The following TUT4 variants were observed in gnomAD, a reference collection of about 807,000 sequenced individuals.
TUT4 encodes terminal uridylyltransferase 4.
TUT4 carries 36 observed loss-of-function variants against 192.2 expected under a neutral mutation model. The observed-to-expected ratio is 0.19, with a 90% CI of 0.14 to 0.25. TUT4 has a LOEUF of 0.25. Among genes scored for constraint, TUT4 ranks in the 10% least tolerant of loss-of-function variants. The pLI, the probability that TUT4 is intolerant of heterozygous loss-of-function variation, is 1.00. For synonymous variants in TUT4, 618 were observed against 666.0 expected, an observed-to-expected ratio of 0.93 and a Z score of 1.11; for missense variants, 1,493 against 1,957.2, an observed-to-expected ratio of 0.76 and a Z score of 4.47.
intron 20 of TUT4, among the ~76,000 whole-genome samples, chr1:52,453,618 A>T (rs1436721747): frequency 6.6e-6 from 1 of 152,110 alleles, no homozygotes; most frequent in Non-Finnish European, 1.5e-5. Context: ...AGCTAACATC[A>T]TACTCAAATG....
intron 1 of TUT4, among the ~76,000 whole-genome samples, chr1:52,537,770 A>C (rs761827753): frequency 1.3e-5 from 2 of 151,990 alleles, no homozygotes; most frequent in Non-Finnish European, 2.9e-5. Flanking sequence ...AAAATTAGCC[A>C]GGCATGGTGG....
At chr1:52,455,551 G>A (rs1419092093) in intron 20 of TUT4, among the ~76,000 whole-genome samples, 1 of 148,264 alleles carries the variant, frequency 6.7e-6, no homozygotes, top group Non-Finnish European at 1.5e-5. Flanking sequence ...TGAGGCTGCA[G>A]GGAGCCATGA....
intron 13 of TUT4, among the ~76,000 whole-genome samples, chr1:52,474,382 G>A (rs1452490157): frequency 6.6e-6 from 1 of 151,994 alleles, no homozygotes; most frequent in Non-Finnish European, 1.5e-5. Flanking sequence ...ACTACCTTTA[G>A]TATGCTTATA....
intron 4 of TUT4, among the ~76,000 whole-genome samples, chr1:52,504,105 A>G (rs1250981931): frequency 6.6e-6 from 1 of 152,234 alleles, no homozygotes; most frequent in East Asian, 1.9e-4. Flanking sequence ...ACCACAAACT[A>G]TGATAACATA....
intron 2 of TUT4, among the ~76,000 whole-genome samples, chr1:52,516,571 C>A (rs915312888): frequency 6.6e-6 from 1 of 152,192 alleles, no homozygotes. Flanking sequence ...TCTCTGCCTC[C>A]TAACTAGATT....
At chr1:52,451,743 T>C (rs1042379066) in intron 20 of TUT4, among the ~76,000 whole-genome samples, 1 of 150,562 alleles carries the variant, frequency 6.6e-6, no homozygotes, top group Admixed American at 6.6e-5. Context: ...CTCCAGAGGC[T>C]GAGGAAGGAG....
chr1:52,473,508 T>C (rs1666315157), intron 13 of TUT4, among the ~76,000 whole-genome samples: 1 of 152,208 alleles, frequency 6.6e-6, no homozygotes, highest in Non-Finnish European at 1.5e-5. Flanking sequence ...GATAATAATA[T>C]ATATACTTAA....
chr1:52,517,857 C>T (rs951675375), intron 2 of TUT4, among the ~76,000 whole-genome samples: 11 of 152,070 alleles, frequency 7.2e-5, no homozygotes, highest in African/African-American at 2.2e-4. Flanking sequence ...ATAATGTAAC[C>T]TTCTTCTCTT....
At chr1:52,530,857 G>C (rs1490832318) in intron 1 of TUT4, among the ~76,000 whole-genome samples, 2 of 152,094 alleles carry the variant, frequency 1.3e-5, no homozygotes, top group African/African-American at 4.8e-5. Context: ...ACATAAATTA[G>C]CCAGGTGTGG....
chr1:52,473,766 T>C (rs1401917809), intron 13 of TUT4, among the ~76,000 whole-genome samples: 2 of 152,204 alleles, frequency 1.3e-5, no homozygotes, highest in Non-Finnish European at 2.9e-5. Context: ...ACATGGATAC[T>C]AATAATGATA....
intron 1 of TUT4, among the ~76,000 whole-genome samples, chr1:52,548,486 G>A (rs577900013): frequency 6.6e-6 from 1 of 152,138 alleles, no homozygotes; most frequent in Non-Finnish European, 1.5e-5. Flanking sequence ...GCAAAGAGCT[G>A]TGACTCTAGA....
intron 13 of TUT4, 96 bp downstream of exon 13, chr1:52,474,736 C>T: frequency 9.1e-7 from 1 of 1,099,616 alleles, no homozygotes; most frequent in Non-Finnish European, 1.3e-6. Context: ...CAAGTCACCA[C>T]TTTATATAGC....
intron 9 of TUT4, among the ~76,000 whole-genome samples, chr1:52,482,275 T>C (rs1187475185): frequency 6.6e-6 from 1 of 152,196 alleles, no homozygotes; most frequent in Non-Finnish European, 1.5e-5. Flanking sequence ...TATACTCATA[T>C]ACAAATACAC....
chr1:52,535,711 C>T (rs148706018), intron 1 of TUT4, among the ~76,000 whole-genome samples: 15 of 152,264 alleles, frequency 9.9e-5, no homozygotes, highest in African/African-American at 3.6e-4. Flanking sequence ...GCAGCGTAAA[C>T]TCAAAGAAAT....
chr1:52,484,012 G>T (rs1030068433), intron 9 of TUT4, among the ~76,000 whole-genome samples: 1 of 151,662 alleles, frequency 6.6e-6, no homozygotes, highest in Non-Finnish European at 1.5e-5. Context: ...TTTGTTAAAC[G>T]CCAGGTGCAA....
At chr1:52,451,062 G>A (rs979332962) in intron 20 of TUT4, among the ~76,000 whole-genome samples, 1 of 151,858 alleles carries the variant, frequency 6.6e-6, no homozygotes, top group Non-Finnish European at 1.5e-5. Context: ...TCAGGAGATC[G>A]AGACCATCCT....
intron 4 of TUT4, among the ~76,000 whole-genome samples, chr1:52,499,185 G>A (rs1673424346): frequency 6.6e-6 from 1 of 151,666 alleles, no homozygotes; most frequent in East Asian, 1.9e-4. Context: ...GATTGCTTGA[G>A]GTCAGGAGTT....
chr1:52,524,907 C>G (rs190148159), intron 2 of TUT4, among the ~76,000 whole-genome samples: 7 of 152,322 alleles, frequency 4.6e-5, no homozygotes, highest in Admixed American at 1.3e-4. Flanking sequence ...TTCCTGTGTT[C>G]CCTTTCAGCT....
intron 15 of TUT4, among the ~76,000 whole-genome samples, chr1:52,466,890 C>T (rs1187774109): frequency 6.6e-6 from 1 of 151,984 alleles, no homozygotes; most frequent in Non-Finnish European, 1.5e-5. Context: ...TCGTCTCGAA[C>T]TCCTGACCTC....
Sources: allele counts gnomAD v4.1 joint callset (sites outside exome capture counted in the v4.1 genomes callset), GRCh38; gene constraint gnomAD v4.1.1; transcripts MANE v1.5; gene names NCBI Gene and HGNC (gene_info 2026-07-23, HGNC 2026-07-21).